Variants in SUMF1 observed in about 807,000 individuals in gnomAD.
SUMF1 encodes the protein formylglycine-generating enzyme.
SUMF1 carries 48 observed loss-of-function variants against 47.6 expected under a neutral mutation model. The ratio of observed to expected loss-of-function variants is 1.01; its 90% CI spans 0.80 to 1.28. SUMF1 has a LOEUF of 1.28. Among genes scored for constraint, SUMF1 ranks in the 50% most tolerant of loss-of-function variants. The pLI, the probability that SUMF1 is intolerant of heterozygous loss-of-function variation, is 0.00. For synonymous variants in SUMF1, 230 were observed against 192.1 expected (o/e 1.20, Z -1.63); for missense variants, 571 against 485.4 (o/e 1.18, Z -1.66).
At chr3:4,061,317 A>G (rs150002054) in intron 9 of SUMF1, among the ~76,000 whole-genome samples, 187 of 152,270 alleles carry the variant, frequency 1.2e-3, no homozygotes, top group Admixed American at 2.4e-3. Flanking sequence ...GGACTCCCAG[A>G]TAGTATTGAG....
chr3:4,175,188 C>T (rs1048405286), intron 8 of SUMF1, among the ~76,000 whole-genome samples: 10 of 152,150 alleles, frequency 6.6e-5, no homozygotes, highest in African/African-American at 2.4e-4. Flanking sequence ...GTGTTTCTCC[C>T]AGCATGGCGT....
rs536558344 is a variant in SUMF1 at position 4,157,434 on chromosome 3, G to A, written c.1015-88689C>T. ...ATCAACATTACAGGTATTTTATTCT[G>A]TTCCATTTCATGTAGAAAGTGATTT... is the stretch of plus-strand genomic sequence containing the variant. On this transcript the variant is annotated intron_variant and NMD_transcript_variant, in intron 8 of 12. Transcript: ENST00000448413. 5.9e-5 allele frequency among the ~76,000 whole-genome samples: 9 copies of A among 151,618 alleles called. No individual in the cohort carries two copies. The East Asian group carries it at 1.7e-3, about 29-fold the overall frequency.
At chr3:4,243,159 C>T (rs569948550) in intron 8 of SUMF1, among the ~76,000 whole-genome samples, 1 of 152,148 alleles carries the variant, frequency 6.6e-6, no homozygotes, top group East Asian at 1.9e-4. Flanking sequence ...CTCTTTTGTT[C>T]TTTATTAGTC....
chr3:4,110,892 TA>T (rs1265973758), intron 8 of SUMF1, among the ~76,000 whole-genome samples: 2 of 150,184 alleles, frequency 1.3e-5, no homozygotes, highest in African/African-American at 4.9e-5. Context: ...TACCTAATGT[TA>T]AATGACGAGT....
chr3:4,360,550 C>T (rs1270872342), downstream of SUMF1, among the ~76,000 whole-genome samples: 1 of 152,028 alleles, frequency 6.6e-6, no homozygotes, highest in Admixed American at 6.6e-5. Context: ...CCAAGCTAAT[C>T]TCGAACTCCT....
At chr3:4,290,061 A>G (rs984637185) in intron 8 of SUMF1, among the ~76,000 whole-genome samples, 1 of 152,238 alleles carries the variant, frequency 6.6e-6, no homozygotes, top group African/African-American at 2.4e-5. Context: ...TAGCCATTCA[A>G]TCTGGTGAAT....
chr3:4,186,839 G>A (rs1426325418), intron 8 of SUMF1, among the ~76,000 whole-genome samples: 1 of 152,126 alleles, frequency 6.6e-6, no homozygotes, highest in Non-Finnish European at 1.5e-5. Context: ...AAGATGTAAT[G>A]AGCCACAATC....
At chr3:4,379,628 G>C (rs188377186) in intron 7 of SUMF1, among the ~76,000 whole-genome samples, 270 of 151,848 alleles carry the variant, frequency 1.8e-3, no homozygotes, top group Middle Eastern at 6.8e-3. Context: ...AAGAGATCAA[G>C]GTCAAGAGAT....
At chr3:4,319,177 C>G (rs1433478290) in intron 8 of SUMF1, among the ~76,000 whole-genome samples, 1 of 152,188 alleles carries the variant, frequency 6.6e-6, no homozygotes, top group African/African-American at 2.4e-5. Context: ...ATGGTACAGC[C>G]TCTTTAGAAG....
chr3:4,038,601 G>A (rs373547389), intron 9 of SUMF1, among the ~76,000 whole-genome samples: 2 of 152,140 alleles, frequency 1.3e-5, no homozygotes, highest in African/African-American at 2.4e-5. Flanking sequence ...CCACTTGCTG[G>A]GGAGCAAAGG....
intron 8 of SUMF1, among the ~76,000 whole-genome samples, chr3:4,171,322 A>C (rs1242867845): frequency 1.3e-5 from 2 of 152,126 alleles, no homozygotes; most frequent in African/African-American, 4.8e-5. Flanking sequence ...AGCACACATG[A>C]GTCTATAAGT....
At chr3:4,162,631 C>T (rs1005460937) in intron 8 of SUMF1, among the ~76,000 whole-genome samples, 6 of 152,146 alleles carry the variant, frequency 3.9e-5, no homozygotes, top group African/African-American at 1.4e-4. Context: ...ACTGCATTGT[C>T]CTCCCACAAG....
At chr3:4,094,856 G>A (rs1692867151) in intron 8 of SUMF1, among the ~76,000 whole-genome samples, 1 of 152,108 alleles carries the variant, frequency 6.6e-6, no homozygotes, top group Admixed American at 6.5e-5. Flanking sequence ...ATGTTCAAAG[G>A]AGAGGGATCG....
intron 8 of SUMF1, among the ~76,000 whole-genome samples, chr3:4,090,878 G>A (rs1445027380): frequency 6.6e-6 from 1 of 151,950 alleles, no homozygotes; most frequent in South Asian, 2.1e-4. Context: ...GAGGCAGGTG[G>A]ATCCCATCCT....
chr3:4,281,733 A>C (rs750871054), intron 8 of SUMF1, among the ~76,000 whole-genome samples: 2 of 152,204 alleles, frequency 1.3e-5, no homozygotes, highest in African/African-American at 2.4e-5. Flanking sequence ...ATTTACATGA[A>C]ACAATTGGAA....
At chr3:4,151,119 C>A (rs944191777) in intron 8 of SUMF1, among the ~76,000 whole-genome samples, 1 of 151,176 alleles carries the variant, frequency 6.6e-6, no homozygotes, top group African/African-American at 2.5e-5. Context: ...CACAGTCTGT[C>A]AGTCTAGGGG....
chr3:4,461,080 A>G (rs2079803786), intron 1 of SUMF1, among the ~76,000 whole-genome samples: 1 of 152,206 alleles, frequency 6.6e-6, no homozygotes, highest in Non-Finnish European at 1.5e-5. Flanking sequence ...AGACACAAAA[A>G]TCTTTACCAA....
chr3:4,255,532 T>C (rs1248902603), intron 8 of SUMF1, among the ~76,000 whole-genome samples: 3 of 78,894 alleles, frequency 3.8e-5, no homozygotes. Context: ...CATTACATAA[T>C]GGTAAAGGGA....
intron 8 of SUMF1, among the ~76,000 whole-genome samples, chr3:4,181,826 T>C (rs1446911217): frequency 2.0e-5 from 3 of 152,002 alleles, no homozygotes; most frequent in Admixed American, 6.6e-5. Context: ...ATCACATGCA[T>C]GTGTGTGTGA....
Sources: allele counts gnomAD v4.1 joint callset (sites outside exome capture counted in the v4.1 genomes callset), GRCh38; gene constraint gnomAD v4.1.1; transcripts MANE v1.5; gene names NCBI Gene and HGNC (gene_info 2026-07-23, HGNC 2026-07-21).